LNPK: variants seen among roughly 807,000 people sequenced by gnomAD.
The protein encoded by LNPK is endoplasmic reticulum junction formation protein lunapark.
Under a neutral mutation model 55.2 loss-of-function variants are expected in LNPK, and 29 were observed. That is an observed-to-expected ratio of 0.53 (90% CI 0.39 to 0.72). The LOEUF (loss-of-function observed/expected upper bound fraction) is 0.72. LNPK is among the 30% of genes least tolerant of loss of function. LNPK has a pLI of 0.00. For synonymous variants in LNPK, 162 were observed against 168.2 expected (o/e 0.96, Z 0.29); for missense variants, 467 against 494.8 (o/e 0.94, Z 0.53).
At chr2:175,975,876 G>A (rs1686885488) in intron 5 of LNPK, among the ~76,000 whole-genome samples, 1 of 152,142 alleles carries the variant, frequency 6.6e-6, no homozygotes, top group Non-Finnish European at 1.5e-5. Context: ...AGCTGGGCAT[G>A]GTGGCGGGTG....
chr2:175,942,535 T>C (rs1033718532), intron 9 of LNPK, among the ~76,000 whole-genome samples: 2 of 152,046 alleles, frequency 1.3e-5, no homozygotes, highest in African/African-American at 4.8e-5. Context: ...GATAAACATC[T>C]GAAAAATCTC....
At position 175,925,591 on chromosome 2, in the gene LNPK, T is replaced by C. The variant is rs1027746657; in HGVS notation, c.*4376A>G. 3.3e-5 allele frequency: 5 copies of C among 151,666 alleles called. No homozygotes were observed. Among genetic ancestry groups the C allele is most frequent in the African/African-American group, 1.2e-4 (5 of 41,300 alleles). 9.4% of individuals were successfully genotyped at this position (151,666 alleles called of 1,614,324 possible). A position where few individuals can be genotyped will look rare whatever the true frequency, so the allele number is the denominator to read the frequency against. On this transcript the variant is annotated 3_prime_UTR_variant, in exon 13 of 13. Transcript: ENST00000272748. ...GGGCTTTGCAGGCCTTATTAGTAAA[T>C]TTGGACCTCATCCCAAGAACACTCA... is the stretch of plus-strand genomic sequence containing the variant.
intron 4 of LNPK, among the ~76,000 whole-genome samples, chr2:175,991,265 G>T (rs1687686100): frequency 6.6e-6 from 1 of 151,968 alleles, no homozygotes; most frequent in Admixed American, 6.6e-5. Context: ...TATGAAAAAA[G>T]ATAAGGGAAA....
intron 8 of LNPK, among the ~76,000 whole-genome samples, chr2:175,960,572 A>C (rs1685967542): frequency 6.6e-6 from 1 of 152,136 alleles, no homozygotes; most frequent in Non-Finnish European, 1.5e-5. Context: ...GTGTAGAGGG[A>C]AATTTATAGC....
chr2:175,954,456 G>A (rs1685588594), intron 8 of LNPK, among the ~76,000 whole-genome samples: 1 of 152,150 alleles, frequency 6.6e-6, no homozygotes, highest in Non-Finnish European at 1.5e-5. Flanking sequence ...GCTGCATTTA[G>A]AATCTCAGCT....
chr2:175,959,579 A>T (rs2105608028), intron 8 of LNPK, among the ~76,000 whole-genome samples: 1 of 152,308 alleles, frequency 6.6e-6, no homozygotes, highest in African/African-American at 2.4e-5. Flanking sequence ...CATGGAAAGG[A>T]ACTAACGGTA....
At chr2:175,935,329 A>G in intron 12 of LNPK, among the ~76,000 whole-genome samples, 1 of 152,146 alleles carries the variant, frequency 6.6e-6, no homozygotes, top group Non-Finnish European at 1.5e-5. Flanking sequence ...AATCTAAAAC[A>G]CTGTCTGTTA....
intron 9 of LNPK, among the ~76,000 whole-genome samples, chr2:175,942,239 T>C (rs1362971814): frequency 1.3e-5 from 2 of 152,184 alleles, no homozygotes; most frequent in South Asian, 2.1e-4. Context: ...TTATGCATTA[T>C]ATGTAATCTA....
intron 8 of LNPK, among the ~76,000 whole-genome samples, chr2:175,956,969 A>T (rs1285135347): frequency 6.6e-6 from 1 of 152,180 alleles, no homozygotes; most frequent in Non-Finnish European, 1.5e-5. Flanking sequence ...CATTTTAAGT[A>T]GCCTTTAGAG....
chr2:175,941,738 C>G (rs566902737), intron 9 of LNPK, among the ~76,000 whole-genome samples: 2 of 137,502 alleles, frequency 1.5e-5, no homozygotes, highest in Admixed American at 8.1e-5. Flanking sequence ...TTGCAGTGAG[C>G]TGAGATTGTG....
rs1194780349 is a variant in LNPK, at chr2:175,985,941, T to A, written c.258-6073A>T. On this transcript the variant is annotated intron_variant, in intron 4 of 12. Transcript: ENST00000272748. ...GATGTTACCATTGGGGTGAGCTAGG[T>A]GAGGGTACCTGCAACCTGCCTGTAC... Among the ~76,000 whole-genome samples the A allele has an allele frequency of 2.0e-5, 3 of 152,200 alleles. No individual in the cohort carries two copies. In the East Asian group the frequency reaches 5.8e-4, roughly 29 times the overall value.
At chr2:175,931,380 T>G (rs1684275033) in intron 12 of LNPK, among the ~76,000 whole-genome samples, 2 of 152,176 alleles carry the variant, frequency 1.3e-5, no homozygotes, top group Admixed American at 1.3e-4. Context: ...TATATGCACA[T>G]GTGTTAATAT....
chr2:175,987,033 A>G (rs72914720), intron 4 of LNPK, among the ~76,000 whole-genome samples: 9,230 of 152,088 alleles, frequency 0.061, 330 homozygotes, highest in Admixed American at 0.12. Context: ...TTTACAGATT[A>G]TATGATTGCA....
intron 6 of LNPK, among the ~76,000 whole-genome samples, chr2:175,966,302 G>C (rs1686350253): frequency 6.6e-6 from 1 of 152,170 alleles, no homozygotes; most frequent in South Asian, 2.1e-4. Flanking sequence ...GGCCTCAAGT[G>C]ATCCACATAC....
intron 9 of LNPK, among the ~76,000 whole-genome samples, chr2:175,943,499 T>A (rs1275185274): frequency 6.6e-6 from 1 of 152,008 alleles, no homozygotes; most frequent in Non-Finnish European, 1.5e-5. Context: ...TAATGAGTAT[T>A]GATATAAACA....
intron 9 of LNPK, among the ~76,000 whole-genome samples, chr2:175,942,220 T>A (rs1559032316): frequency 6.6e-6 from 1 of 152,230 alleles, no homozygotes; most frequent in Non-Finnish European, 1.5e-5. Flanking sequence ...GATAACTGAC[T>A]GCACTCTATT....
chr2:175,972,984 T>C (rs975053396), intron 5 of LNPK, among the ~76,000 whole-genome samples: 3 of 152,232 alleles, frequency 2.0e-5, no homozygotes, highest in East Asian at 1.9e-4. Context: ...CCTCGGATAA[T>C]GCATCTGCTA....
At chr2:175,956,394 A>T (rs896949653) in intron 8 of LNPK, among the ~76,000 whole-genome samples, 5 of 152,068 alleles carry the variant, frequency 3.3e-5, no homozygotes, top group Middle Eastern at 3.2e-3. Context: ...CTTTGCAACC[A>T]GAAATAACTG....
At chr2:175,977,395 T>C (rs1205266324) in intron 5 of LNPK, among the ~76,000 whole-genome samples, 1 of 152,068 alleles carries the variant, frequency 6.6e-6, no homozygotes, top group African/African-American at 2.4e-5. Context: ...TAGATACAGA[T>C]TATTCTCATC....
Sources: gnomAD v4.1 joint callset for allele counts (sites outside exome capture counted in the v4.1 genomes callset) on GRCh38, gnomAD v4.1.1 for gene constraint, MANE v1.5 for transcripts, NCBI Gene and HGNC (gene_info 2026-07-23, HGNC 2026-07-21) for gene names.